RAB11B: variants seen among roughly 807,000 people sequenced by gnomAD.
RAB11B encodes the protein RAB11B, member RAS oncogene family, also known as ras-related protein Rab-11B.
A neutral mutation model predicts 23.7 loss-of-function variants in RAB11B; 7 were observed. The observed-to-expected ratio is 0.29, with a 90% CI of 0.17 to 0.55. The LOEUF (loss-of-function observed/expected upper bound fraction) is 0.55. Ranked by LOEUF, RAB11B falls within the 20% of genes least tolerant of loss-of-function variation. The pLI is 0.93. For missense variants in RAB11B, 189 were observed against 320.0 expected, an observed-to-expected ratio of 0.59 and a Z score of 3.12; for synonymous variants, 138 against 132.0, an observed-to-expected ratio of 1.05 and a Z score of -0.31.
chr19:8,391,584 T>C (rs1485789291), intron 1 of RAB11B, among the ~76,000 whole-genome samples: 1 of 152,212 alleles, frequency 6.6e-6, no homozygotes, highest in Non-Finnish European at 1.5e-5. Flanking sequence ...TGGTCTGCCC[T>C]GGTTGCTGGG....
At position 8,403,638 on chromosome 19, in the gene RAB11B, C is replaced by T; in HGVS notation, c.*80C>T. 6.5e-7 allele frequency: 1 copy of T among 1,526,902 alleles called. No individual in the cohort carries two copies. The highest frequency in any genetic ancestry group is 1.4e-5 in the African/African-American group (1 of 73,406). The allele number at this position is 1,526,902 out of a possible 1,614,324, so 94.6% of individuals were successfully genotyped here. On this transcript the variant is annotated 3_prime_UTR_variant, in exon 5 of 5. Transcript: ENST00000328024. ...TATCCTCTGGCCCCTCCCTGCTGTC[C>T]CTCTGTGGCCGGCTCGTTCCAGCCC...
At chr19:8,395,675 T>C (rs1971391673) in intron 1 of RAB11B, among the ~76,000 whole-genome samples, 1 of 152,128 alleles carries the variant, frequency 6.6e-6, no homozygotes, top group Non-Finnish European at 1.5e-5. Flanking sequence ...CAGTGGTCTT[T>C]GGGGAGAGGA....
rs778110677 is a variant in RAB11B at position 8,399,932 on chromosome 19, A to T, written c.110A>T (p.Asn37Ile). The T allele has an allele frequency of 6.2e-7, 1 of 1,614,190 alleles. No homozygotes were observed. Among genetic ancestry groups the T allele is most frequent in the South Asian group, 1.1e-5 (1 of 91,090 alleles). The change falls in exon 2 of 5, where the codon AAC (asparagine) becomes ATC (isoleucine). Residue 37 changes from asparagine (N) to isoleucine (I), a missense_variant. Transcript: ENST00000328024. Reference sequence around the variant, plus strand: ...TCGCGCTTCACCCGCAACGAGTTCAACCTGGAGAGCAAGAGCACCATCGGC... The same window carrying T: ...TCGCGCTTCACCCGCAACGAGTTCATCCTGGAGAGCAAGAGCACCATCGGC... ...LLSRFTRNEF[N>I]LESKSTIGVE...
chr19:8,397,269 G>A (rs1342840807), intron 1 of RAB11B, among the ~76,000 whole-genome samples: 1 of 152,108 alleles, frequency 6.6e-6, no homozygotes, highest in Non-Finnish European at 1.5e-5. Flanking sequence ...AGGGAGAGAG[G>A]TAATATAGGA....
chr19:8,401,365 C>T (rs1014637538), intron 2 of RAB11B, among the ~76,000 whole-genome samples: 1 of 151,476 alleles, frequency 6.6e-6, no homozygotes, highest in African/African-American at 2.4e-5. Flanking sequence ...CAGGCGTGAG[C>T]GACCCTGCCT....
intron 3 of RAB11B, 96 bp from the exon 4 acceptor site, chr19:8,402,389 T>G: frequency 6.5e-7 from 1 of 1,549,414 alleles, no homozygotes; most frequent in Non-Finnish European, 8.8e-7. Flanking sequence ...AGGAGTGGCC[T>G]TGGGATGGGC....
At position 8,402,571 on chromosome 19, in the gene RAB11B, C is replaced by T. The variant is rs369982611; in HGVS notation, c.511+6C>T. The T allele has an allele frequency of 2.7e-5, 44 of 1,608,974 alleles. No homozygotes were observed. In the East Asian group the frequency reaches 5.6e-4, roughly 20 times the overall value. ...ATTCAAGAACATCCTCACAGGTGGC[C>T]GGGGACCAGATGGGTGTGGGTAGGG... On this transcript the variant is annotated splice_donor_region_variant and intron_variant, in intron 4 of 4. Transcript: ENST00000328024.
chr19:8,391,727 C>T (rs1971355264), intron 1 of RAB11B, among the ~76,000 whole-genome samples: 1 of 152,054 alleles, frequency 6.6e-6, no homozygotes, highest in African/African-American at 2.4e-5. Flanking sequence ...GCCGTTCCTC[C>T]GAGTGTGCTC....
chr19:8,396,711 G>GA lies in RAB11B; in HGVS notation c.41-3152_41-3151insA, dbSNP rs1422251054. ...TGTGTGGCTGGAGCAGAGTGAGCCGGGGGGGGGGCGGGAGGGAGGAGGGGA... is the reference window on the plus strand; with the variant it reads ...TGTGTGGCTGGAGCAGAGTGAGCCGGAGGGGGGGGCGGGAGGGAGGAGGGGA... On this transcript the variant is annotated intron_variant, in intron 1 of 4. Transcript: ENST00000328024. The surrounding 1 kb of genome is among the most constrained non-coding windows in gnomAD (Gnocchi z 5.0). Among the ~76,000 whole-genome samples, 1 of 132,974 alleles carries GA rather than the reference G, an allele frequency of 7.5e-6. No homozygotes were observed. The highest frequency in any genetic ancestry group is 2.6e-5 in the African/African-American group (1 of 38,202). The allele number at this position is 132,974 out of a possible 152,430, so 87.2% of individuals were successfully genotyped here.
intron 2 of RAB11B, among the ~76,000 whole-genome samples, chr19:8,400,808 A>G (rs1227108934): frequency 6.7e-6 from 1 of 148,994 alleles, no homozygotes; most frequent in Non-Finnish European, 1.5e-5. Flanking sequence ...CTGGTCTCAA[A>G]CTCCCGCCCT....
chr19:8,395,450 T>C (rs182643185), intron 1 of RAB11B, among the ~76,000 whole-genome samples: 7 of 152,162 alleles, frequency 4.6e-5, no homozygotes, highest in Admixed American at 1.3e-4. Flanking sequence ...GGTTTCACCA[T>C]GTTAGTCAGG....
rs1231730961 is a variant in RAB11B at position 8,390,415 on chromosome 19, C to T, written c.-2C>T. 2 of 1,531,364 alleles carry T rather than the reference C, an allele frequency of 1.3e-6. No individual in the cohort carries two copies. Among genetic ancestry groups the T allele is most frequent in the Non-Finnish European group, 1.7e-6 (2 of 1,143,422 alleles). The allele number at this position is 1,531,364 out of a possible 1,614,324, so 94.9% of individuals were successfully genotyped here. ...GCCGATCCCGCCGGAAGCGCCAGGA[C>T]AATGGGGACCCGGGACGACGAGTAC... On this transcript the variant is annotated 5_prime_UTR_variant, in exon 1 of 5. Transcript: ENST00000328024.
chr19:8,392,685 C>CTTTTTTTTTTTTTTTTTTTTTTTTTT (rs74176644), intron 1 of RAB11B, among the ~76,000 whole-genome samples: 1 of 79,666 alleles, frequency 1.3e-5, no homozygotes, highest in Non-Finnish European at 2.3e-5. Context: ...TTTTTCTTTT[C>CTTTTTTTTTTTTTTTTTTTTTTTTTT]TTTTTTTTTT....
intron 1 of RAB11B, among the ~76,000 whole-genome samples, chr19:8,392,782 C>T (rs946937560): frequency 4.8e-5 from 7 of 146,080 alleles, no homozygotes; most frequent in African/African-American, 1.8e-4. Context: ...CCTCCGTCTC[C>T]CGGGTTCAAA....
intron 1 of RAB11B, among the ~76,000 whole-genome samples, chr19:8,397,222 C>T (rs1485060473): frequency 6.6e-6 from 1 of 152,060 alleles, no homozygotes; most frequent in Non-Finnish European, 1.5e-5. Flanking sequence ...CCTGAGGAGA[C>T]ATGAAGGAGA....
rs140230756 is a variant in RAB11B, at chr19:8,397,094, T to C, written c.41-2769T>C. ...ACTCCAGGTTTCTGGCATGAGTGCC[T>C]GGTAGGACCAAGCCAAAGTTAACCA... is the stretch of plus-strand genomic sequence containing the variant. On this transcript the variant is annotated intron_variant, in intron 1 of 4. Transcript: ENST00000328024. Among the ~76,000 whole-genome samples the C allele has an allele frequency of 3.1e-3, 467 of 152,288 alleles. 1 individual carries two copies. Among genetic ancestry groups the C allele is most frequent in the Admixed American group, 4.8e-3 (74 of 15,308 alleles).
chr19:8,400,167 C>T, intron 2 of RAB11B, 109 bp downstream of exon 2: 1 of 1,293,908 alleles, frequency 7.7e-7, no homozygotes, highest in Non-Finnish European at 1.1e-6. Flanking sequence ...GGAGAGTGTG[C>T]TCCCAAGACC....
chr19:8,403,825 G>A lies in RAB11B; in HGVS notation c.*267G>A. On this transcript the variant is annotated 3_prime_UTR_variant, in exon 5 of 5. Transcript: ENST00000328024. ...GGTGGGGAGGGCGGCAGGATGGACG[G>A]GGCTGGCCAGAGGCGAGGAGGACGG... 4.4e-6 allele frequency: 2 copies of A among 453,194 alleles called. 1 individual carries two copies. The highest frequency in any genetic ancestry group is 7.3e-5 in the South Asian group (2 of 27,300). 28.1% of individuals were successfully genotyped at this position (453,194 alleles called of 1,614,324 possible). A position where few individuals can be genotyped will look rare whatever the true frequency, so the allele number is the denominator to read the frequency against.
At chr19:8,402,033 GC>G in intron 2 of RAB11B, 52 bp from the exon 3 acceptor site, 1 of 1,497,088 alleles carries the variant, frequency 6.7e-7, no homozygotes, top group South Asian at 1.3e-5. Context: ...CCGTGAGGCT[GC>G]CGCTGCCCAT....
Sources: gnomAD v4.1 joint callset for allele counts (sites outside exome capture counted in the v4.1 genomes callset) on GRCh38, gnomAD v4.1.1 for gene constraint, Gnocchi (gnomAD v3.1) non-coding constraint, MANE v1.5 for transcripts, NCBI Gene and HGNC (gene_info 2026-07-23, HGNC 2026-07-21) for gene names.